PARM1: variants seen among roughly 807,000 people sequenced by gnomAD.
The protein encoded by PARM1 is WSC4, cell wall integrity and stress response component 4 homolog.
In PARM1, 14 loss-of-function variants were observed where a neutral mutation model predicts 24.6. That is an observed-to-expected ratio of 0.57 (90% CI 0.38 to 0.89). The LOEUF (loss-of-function observed/expected upper bound fraction) is 0.89, where lower values mean the gene tolerates loss of function less well. PARM1 is among the 40% of genes least tolerant of loss of function. The probability of loss-of-function intolerance (pLI) is 0.00; values close to 1 mark genes in which losing one functional copy is unlikely to be tolerated. For synonymous variants in PARM1, 179 were observed against 156.6 expected (o/e 1.14, Z -1.07); for missense variants, 362 against 380.4 (o/e 0.95, Z 0.40).
At chr4:74,933,412 G>C (rs780717629) in intron 1 of PARM1, 42 bp downstream of exon 1, 1 of 1,576,742 alleles carries the variant, frequency 6.3e-7, no homozygotes, top group Non-Finnish European at 8.7e-7. Context: ...TCGCGGGGTG[G>C]GCCCCAGTAG....
chr4:74,966,970 A>T (rs941959621), intron 1 of PARM1: 1 of 152,252 alleles, frequency 6.6e-6, no homozygotes, highest in African/African-American at 2.4e-5. Flanking sequence ...CCTGGAATCC[A>T]CCAAGCCGTT....
intron 2 of PARM1, among the ~76,000 whole-genome samples, chr4:75,016,091 G>C (rs572397230): frequency 6.6e-6 from 1 of 152,264 alleles, no homozygotes; most frequent in East Asian, 1.9e-4. Flanking sequence ...TCTGAAACAA[G>C]GTGAATATTA....
At chr4:75,010,375 T>A (rs1578049284) in intron 1 of PARM1, among the ~76,000 whole-genome samples, 1 of 152,272 alleles carries the variant, frequency 6.6e-6, no homozygotes, top group East Asian at 1.9e-4. Context: ...AAAAGGGAGT[T>A]GTTTAATAGG....
At chr4:75,037,845 A>G (rs1254168355) in intron 3 of PARM1, among the ~76,000 whole-genome samples, 3 of 152,196 alleles carry the variant, frequency 2.0e-5, no homozygotes, top group African/African-American at 7.2e-5. Context: ...AGGTTGTTTT[A>G]AAGACGAAAT....
chr4:74,996,196 C>G (rs2109783280), intron 1 of PARM1, among the ~76,000 whole-genome samples: 1 of 152,236 alleles, frequency 6.6e-6, no homozygotes, highest in African/African-American at 2.4e-5. Flanking sequence ...GTACAGGCCC[C>G]TGTGTTGTCA....
At chr4:74,949,907 T>C (rs1158416948) in intron 1 of PARM1, among the ~76,000 whole-genome samples, 2 of 152,114 alleles carry the variant, frequency 1.3e-5, no homozygotes, top group African/African-American at 4.8e-5. Flanking sequence ...AGTTTTGTTT[T>C]GCTCTTTTGG....
In PARM1 at chr4:74,935,537, T is replaced by C. The variant is rs1225711832; in HGVS notation, c.43+2167T>C. ...TGCACACACATGTGTTTTGGGGGCT[T>C]ATCCCAGAACTCCCCTAGCAAATCT... On this transcript the variant is annotated intron_variant, in intron 1 of 3. Coordinates refer to ENST00000307428, the MANE Select transcript of PARM1 (RefSeq NM_015393.4). Among the ~76,000 whole-genome samples, 4 of 152,302 alleles carry C rather than the reference T, an allele frequency of 2.6e-5. 1 individual carries two copies. In the South Asian group the frequency reaches 6.2e-4, roughly 24 times the overall value.
chr4:75,012,975 G>A lies in PARM1; in HGVS notation c.594G>A (p.Glu198=). Residue 198 remains glutamate, a synonymous_variant, in exon 2 of 4, where the codon GAG becomes GAA. Coordinates refer to ENST00000307428, the MANE Select transcript of PARM1 (RefSeq NM_015393.4). Reference sequence around the variant, plus strand: ...CAACTGCACCAGAGTCCCCGACAGAGGAGTCCAGCTCTGACCACACACCCA... The same window carrying A: ...CAACTGCACCAGAGTCCCCGACAGAAGAGTCCAGCTCTGACCACACACCCA... The part of the protein sequence containing the change: ...GAPTAPESPT[E]ESSSDHTPTS... 1.2e-6 allele frequency: 2 copies of A among 1,613,994 alleles called. No homozygotes were observed. Among genetic ancestry groups the A allele is most frequent in the East Asian group, 4.5e-5 (2 of 44,884 alleles).
intron 2 of PARM1, among the ~76,000 whole-genome samples, chr4:75,019,592 G>C (rs183451117): frequency 1.3e-5 from 2 of 152,286 alleles, no homozygotes; most frequent in Admixed American, 1.3e-4. Context: ...CAGACATCTA[G>C]ACATCTCTAT....
At chr4:75,043,468 T>C (rs551146280) in intron 3 of PARM1, among the ~76,000 whole-genome samples, 1 of 152,298 alleles carries the variant, frequency 6.6e-6, no homozygotes, top group South Asian at 2.1e-4. Flanking sequence ...TAAAAACTTA[T>C]TCAAGGACAT....
intron 3 of PARM1, among the ~76,000 whole-genome samples, chr4:75,042,832 G>A (rs1046134027): frequency 3.3e-5 from 5 of 151,698 alleles, no homozygotes; most frequent in African/African-American, 4.8e-5. Flanking sequence ...TCGTTAATGT[G>A]GTAAATAAGC....
chr4:74,984,935 A>G lies in PARM1; in HGVS notation c.44-27490A>G, dbSNP rs567087306. ...TTAGAGAAAAAGTTTGCCAACCCTC[A>G]TCACAGAGGATGGCAGGGAGTGACA... On this transcript the variant is annotated intron_variant, in intron 1 of 3. Transcript: ENST00000307428. Among the ~76,000 whole-genome samples, 507 of 152,350 alleles carry G rather than the reference A, an allele frequency of 3.3e-3. 5 individuals are homozygous for G. The highest frequency in any genetic ancestry group is 0.011 in the African/African-American group (472 of 41,584).
intron 1 of PARM1, among the ~76,000 whole-genome samples, chr4:75,012,188 T>G (rs957903883): frequency 1.3e-5 from 2 of 152,180 alleles, no homozygotes; most frequent in Admixed American, 6.5e-5. Context: ...AGTCTTGAGT[T>G]GACAGTCCTA....
chr4:75,000,290 G>A (rs571481748), intron 1 of PARM1, among the ~76,000 whole-genome samples: 12 of 152,256 alleles, frequency 7.9e-5, no homozygotes, highest in South Asian at 4.1e-4. Context: ...AGCTCTTTAC[G>A]TGGCCTATCA....
intron 1 of PARM1, among the ~76,000 whole-genome samples, chr4:74,988,325 C>T (rs1486471644): frequency 6.6e-6 from 1 of 152,140 alleles, no homozygotes; most frequent in Non-Finnish European, 1.5e-5. Context: ...GTTGTTTATA[C>T]AATGGACACA....
At chr4:74,999,403 C>T (rs1722635818) in intron 1 of PARM1, among the ~76,000 whole-genome samples, 1 of 152,146 alleles carries the variant, frequency 6.6e-6, no homozygotes, top group Non-Finnish European at 1.5e-5. Context: ...GAAGAGAAAA[C>T]ATGACTATTC....
intron 1 of PARM1, among the ~76,000 whole-genome samples, chr4:74,940,480 T>G (rs1484770313): frequency 6.6e-6 from 1 of 152,232 alleles, no homozygotes; most frequent in Non-Finnish European, 1.5e-5. Context: ...AGCTGTGTCT[T>G]CCTCATGTGG....
intron 1 of PARM1, among the ~76,000 whole-genome samples, chr4:74,951,605 A>G (rs1721523960): frequency 6.6e-6 from 1 of 151,790 alleles, no homozygotes; most frequent in African/African-American, 2.4e-5. Context: ...CAACCCCGCG[A>G]CAGGCCCCAA....
chr4:75,002,381 C>T (rs192090523), intron 1 of PARM1, among the ~76,000 whole-genome samples: 60 of 152,160 alleles, frequency 3.9e-4, no homozygotes, highest in African/African-American at 1.3e-3. Context: ...TGCCACCCCT[C>T]GACTAGGCAA....
Sources: allele counts gnomAD v4.1 joint callset (sites outside exome capture counted in the v4.1 genomes callset), GRCh38; gene constraint gnomAD v4.1.1; transcripts MANE v1.5; gene names NCBI Gene and HGNC (gene_info 2026-07-23, HGNC 2026-07-21).